ANKS1B: variants seen among roughly 807,000 people sequenced by gnomAD.
ANKS1B encodes the protein ankyrin repeat and sterile alpha motif domain-containing protein 1B.
ANKS1B carries 36 observed loss-of-function variants against 148.3 expected under a neutral mutation model. The observed-to-expected ratio is 0.24, with a 90% CI of 0.19 to 0.32. The LOEUF is 0.32. Ranked by LOEUF, ANKS1B falls within the 10% of genes least tolerant of loss-of-function variation. ANKS1B has a pLI of 1.00. For synonymous variants in ANKS1B, 542 were observed against 560.8 expected, an observed-to-expected ratio of 0.97 and a Z score of 0.47; for missense variants, 1,157 against 1,542.6, an observed-to-expected ratio of 0.75 and a Z score of 4.19.
chr12:99,401,107 G>A lies in ANKS1B; in HGVS notation c.1576-1296C>T, dbSNP rs1238512766. ...GAGGTATAAATATTGTTATGCAAGA[G>A]AGTGCAAGTCATTTATTATTATGAC... is the stretch of plus-strand genomic sequence containing the variant. On this transcript the variant is annotated intron_variant, in intron 11 of 26. Coordinates refer to ENST00000683438, the MANE Select transcript of ANKS1B (RefSeq NM_001352186.2). 2.7e-5 allele frequency among the ~76,000 whole-genome samples: 4 copies of A among 146,006 alleles called. 1 individual carries two copies. The highest frequency in any genetic ancestry group is 3.9e-4 in the East Asian group (2 of 5,188).
intron 8 of ANKS1B, among the ~76,000 whole-genome samples, chr12:99,661,390 T>G (rs533571362): frequency 3.0e-4 from 46 of 152,280 alleles, no homozygotes; most frequent in African/African-American, 1.0e-3. Context: ...CTGGAAAACT[T>G]TGTAATTTTG....
intron 9 of ANKS1B, among the ~76,000 whole-genome samples, chr12:99,553,030 C>CA (rs1453542675): frequency 2.0e-5 from 3 of 152,156 alleles, no homozygotes; most frequent in Non-Finnish European, 2.9e-5. Context: ...CTTTATATCA[C>CA]AAAAAAGCTT....
intron 4 of ANKS1B, among the ~76,000 whole-genome samples, chr12:99,785,840 T>A (rs1465953794): frequency 2.6e-5 from 4 of 152,214 alleles, no homozygotes; most frequent in Non-Finnish European, 5.9e-5. Flanking sequence ...TCTGACTGTA[T>A]CTTCAAGATG....
chr12:99,258,271 AAACG>A (rs1288363690), intron 12 of ANKS1B, among the ~76,000 whole-genome samples: 47 of 152,234 alleles, frequency 3.1e-4, no homozygotes, highest in African/African-American at 1.1e-3. Flanking sequence ...AGAATTGTAT[AAACG>A]AAGAACAAGC....
At chr12:99,417,417 T>C (rs1219284716) in intron 11 of ANKS1B, among the ~76,000 whole-genome samples, 1 of 152,218 alleles carries the variant, frequency 6.6e-6, no homozygotes, top group African/African-American at 2.4e-5. Flanking sequence ...GTCTATCCCT[T>C]CACTGATAAT....
intron 12 of ANKS1B, among the ~76,000 whole-genome samples, chr12:99,390,409 C>T (rs1272831740): frequency 6.6e-6 from 1 of 151,998 alleles, no homozygotes; most frequent in Non-Finnish European, 1.5e-5. Context: ...ATCAGAATGA[C>T]GTATGAAGAT....
intron 9 of ANKS1B, among the ~76,000 whole-genome samples, chr12:99,564,546 T>A (rs1298871670): frequency 1.3e-5 from 2 of 152,076 alleles, no homozygotes; most frequent in African/African-American, 4.8e-5. Context: ...TAAACTTGTA[T>A]TTTCTCTATT....
At chr12:99,051,524 T>C (rs1415491366) in intron 17 of ANKS1B, among the ~76,000 whole-genome samples, 1 of 152,222 alleles carries the variant, frequency 6.6e-6, no homozygotes, top group African/African-American at 2.4e-5. Flanking sequence ...TTAAAAAATA[T>C]CTATGAGTAG....
Position 99,093,913 on chromosome 12 carries a change from A to C in ANKS1B, c.2527-8890T>G, listed in dbSNP as rs117125921. 4.0e-3 allele frequency among the ~76,000 whole-genome samples: 610 copies of C among 152,288 alleles called. 24 individuals carry two copies. In the East Asian group the frequency reaches 0.084, roughly 21 times the overall value. Reference sequence around the variant, plus strand: ...ATTCTTAAGGGTGAAGGTAGTGGTGAAGGGAGTAGAATTTCCTGATAAAAT... The same window carrying C: ...ATTCTTAAGGGTGAAGGTAGTGGTGCAGGGAGTAGAATTTCCTGATAAAAT... On this transcript the variant is annotated intron_variant, in intron 15 of 26. Coordinates refer to ENST00000683438, the MANE Select transcript of ANKS1B (RefSeq NM_001352186.2).
intron 1 of ANKS1B, among the ~76,000 whole-genome samples, chr12:99,902,371 A>G (rs1434774498): frequency 6.6e-6 from 1 of 152,226 alleles, no homozygotes; most frequent in Non-Finnish European, 1.5e-5. Flanking sequence ...AAATAACACA[A>G]GACGACATCA....
chr12:99,748,972 A>G (rs1325866201), intron 8 of ANKS1B, among the ~76,000 whole-genome samples: 5 of 152,064 alleles, frequency 3.3e-5, no homozygotes, highest in African/African-American at 1.2e-4. Context: ...ACCACCCTCA[A>G]TCATCTGATA....
Position 99,399,723 on chromosome 12 carries a change from C to A in ANKS1B, c.1664G>T (p.Gly555Val). Reference sequence around the variant, plus strand: ...AGGACTGGCAGTAAAGCTTGTGCACCCTGTAGATGTGTTGATTTCAAAATA... The same window carrying A: ...AGGACTGGCAGTAAAGCTTGTGCACACTGTAGATGTGTTGATTTCAAAATA... ...QEYFEINTST[G>V]CTSFTASPPA... The change falls in exon 12 of 27, where the codon GGG (glycine) becomes GTG (valine). Residue 555 changes from glycine to valine, a missense_variant. This residue lies in a region of ANKS1B where 661 missense variants were observed against 642.1 expected (regional missense o/e 1.03). Coordinates refer to ENST00000683438, the MANE Select transcript of ANKS1B (RefSeq NM_001352186.2). 3 of 1,613,362 alleles carry A rather than the reference C, an allele frequency of 1.9e-6. No homozygotes were observed. The highest frequency in any genetic ancestry group is 2.5e-6 in the Non-Finnish European group (3 of 1,179,518).
At chr12:99,349,417 T>C (rs1486411953) in intron 12 of ANKS1B, among the ~76,000 whole-genome samples, 1 of 151,940 alleles carries the variant, frequency 6.6e-6, no homozygotes, top group East Asian at 1.9e-4. Context: ...GATCCAAATA[T>C]ATACTGTCTA....
chr12:98,774,906 C>A (rs1454314634), intron 24 of ANKS1B, among the ~76,000 whole-genome samples: 2 of 152,184 alleles, frequency 1.3e-5, no homozygotes, highest in Admixed American at 6.5e-5. Flanking sequence ...ATCCCATAAA[C>A]AAGTAACATT....
intron 23 of ANKS1B, chr12:98,781,500 T>C (rs376270758): frequency 4.1e-5 from 21 of 507,216 alleles, no homozygotes; most frequent in East Asian, 2.5e-4. Flanking sequence ...TTCTTTTCCC[T>C]GACACTAAAG....
At chr12:99,485,610 C>T (rs1000908020) in intron 10 of ANKS1B, among the ~76,000 whole-genome samples, 3 of 152,086 alleles carry the variant, frequency 2.0e-5, no homozygotes, top group African/African-American at 7.2e-5. Context: ...ATTATTCCCT[C>T]AAATAAGTTT....
intron 17 of ANKS1B, among the ~76,000 whole-genome samples, chr12:98,839,581 C>G (rs1423610062): frequency 6.6e-6 from 1 of 152,148 alleles, no homozygotes; most frequent in South Asian, 2.1e-4. Flanking sequence ...AAACTTAAAA[C>G]TTTCTTACCC....
At chr12:99,765,116 C>T (rs2153612479) in intron 8 of ANKS1B, among the ~76,000 whole-genome samples, 1 of 152,278 alleles carries the variant, frequency 6.6e-6, no homozygotes, top group African/African-American at 2.4e-5. Flanking sequence ...ACTTGTAAGA[C>T]ATTGGACATA....
chr12:99,846,508 A>C (rs907145345), intron 1 of ANKS1B, among the ~76,000 whole-genome samples: 2 of 152,192 alleles, frequency 1.3e-5, no homozygotes, highest in African/African-American at 4.8e-5. Context: ...AAAACAAGGT[A>C]GAATTTTAAT....
Sources: allele counts gnomAD v4.1 joint callset (sites outside exome capture counted in the v4.1 genomes callset), GRCh38; gene constraint gnomAD v4.1.1; regional missense constraint gnomAD v4.1.1; transcripts MANE v1.5; gene names NCBI Gene and HGNC (gene_info 2026-07-23, HGNC 2026-07-21).